The following FYN variants were observed in gnomAD, a reference collection of about 807,000 sequenced individuals.
The protein encoded by FYN is FYN proto-oncogene, Src family tyrosine kinase.
In FYN, 10 loss-of-function variants were observed where a neutral mutation model predicts 70.2. The ratio of observed to expected loss-of-function variants is 0.14; its 90% CI spans 0.09 to 0.24. The LOEUF (loss-of-function observed/expected upper bound fraction) is 0.24, where lower values mean the gene tolerates loss of function less well. Among genes scored for constraint, FYN ranks in the 10% least tolerant of loss-of-function variants. The pLI, the probability that FYN is intolerant of heterozygous loss-of-function variation, is 1.00. For missense variants in FYN, 319 were observed against 673.1 expected, an observed-to-expected ratio of 0.47 and a Z score of 5.82; for synonymous variants, 236 against 248.6, an observed-to-expected ratio of 0.95 and a Z score of 0.48.
chr6:111,805,984 CTT>C (rs1477307539), intron 2 of FYN, among the ~76,000 whole-genome samples: 1 of 152,120 alleles, frequency 6.6e-6, no homozygotes, highest in Non-Finnish European at 1.5e-5. Flanking sequence ...CACAACAGCT[CTT>C]GAGGCAGTTG....
At chr6:111,872,738 T>A (rs576951024) in intron 1 of FYN, among the ~76,000 whole-genome samples, 193 of 151,392 alleles carry the variant, frequency 1.3e-3, no homozygotes, top group African/African-American at 4.5e-3. Flanking sequence ...GGAAATGGGG[T>A]CCCCATCCCC....
At chr6:111,811,479 CT>C (rs907087270) in intron 2 of FYN, among the ~76,000 whole-genome samples, 1 of 152,184 alleles carries the variant, frequency 6.6e-6, no homozygotes, top group African/African-American at 2.4e-5. Flanking sequence ...CACAAATAGA[CT>C]TGTTTGAAGA....
intron 12 of FYN, among the ~76,000 whole-genome samples, chr6:111,693,028 C>T (rs117450640): frequency 6.6e-6 from 1 of 152,332 alleles, no homozygotes; most frequent in Non-Finnish European, 1.5e-5. Context: ...AGAACTGCCA[C>T]GTGTTGGGGA....
chr6:111,768,093 G>A (rs1009954234), intron 3 of FYN, among the ~76,000 whole-genome samples: 1 of 152,178 alleles, frequency 6.6e-6, no homozygotes, highest in Non-Finnish European at 1.5e-5. Context: ...GGGTGGAAGT[G>A]GGAATATGTG....
intron 3 of FYN, among the ~76,000 whole-genome samples, chr6:111,770,235 T>A (rs1393434657): frequency 6.6e-6 from 1 of 152,204 alleles, no homozygotes; most frequent in East Asian, 1.9e-4. Flanking sequence ...ACATACTGAC[T>A]GTATGGTAAA....
chr6:111,833,905 A>G (rs1248841621), intron 2 of FYN, among the ~76,000 whole-genome samples: 1 of 152,190 alleles, frequency 6.6e-6, no homozygotes, highest in Non-Finnish European at 1.5e-5. Flanking sequence ...GCAAAACTGG[A>G]AATGTCCCAA....
In FYN at chr6:111,661,642, G is replaced by C. The variant is rs1472461198; in HGVS notation, c.*97C>G. 6 of 1,172,128 alleles carry C rather than the reference G, an allele frequency of 5.1e-6. No individual in the cohort carries two copies. In the East Asian group the frequency reaches 1.4e-4, roughly 28 times the overall value. 72.6% of individuals were successfully genotyped at this position (1,172,128 alleles called of 1,614,324 possible). A position where few individuals can be genotyped will look rare whatever the true frequency, so the allele number is the denominator to read the frequency against. On this transcript the variant is annotated 3_prime_UTR_variant, in exon 14 of 14. Coordinates refer to ENST00000354650, the MANE Select transcript of FYN (RefSeq NM_002037.5). This position sits in a 1 kb window ranked among gnomAD's most constrained non-coding sequence, Gnocchi z 4.0. ...GTCACATGCAATCTGATCCTGGGCG[G>C]TTCCGCTGCTGGGGAGCAGCTGGCT...
chr6:111,828,169 C>T (rs1403117327), intron 2 of FYN, among the ~76,000 whole-genome samples: 1 of 152,274 alleles, frequency 6.6e-6, no homozygotes, highest in Admixed American at 6.5e-5. Flanking sequence ...ATTCCCCAGC[C>T]AGCATCCTGA....
chr6:111,822,659 CAG>C (rs1347931725), intron 2 of FYN, among the ~76,000 whole-genome samples: 1 of 150,084 alleles, frequency 6.7e-6, no homozygotes, highest in African/African-American at 2.4e-5. Flanking sequence ...AAAATAAAGA[CAG>C]AGACAATAAT....
intron 10 of FYN, among the ~76,000 whole-genome samples, 176 bp downstream of exon 10, chr6:111,696,101 A>C (rs1318052811): frequency 6.6e-6 from 1 of 152,236 alleles, no homozygotes; most frequent in Non-Finnish European, 1.5e-5. Context: ...GGTAAACGCA[A>C]GGTTAGTCTG....
chr6:111,704,678 T>C (rs1242305497), intron 6 of FYN, among the ~76,000 whole-genome samples: 1 of 151,484 alleles, frequency 6.6e-6, no homozygotes, highest in East Asian at 1.9e-4. Context: ...CACTTGAACC[T>C]GGGAGGCCCA....
intron 2 of FYN, among the ~76,000 whole-genome samples, chr6:111,805,075 C>T (rs983603815): frequency 3.3e-5 from 5 of 152,074 alleles, no homozygotes; most frequent in Non-Finnish European, 7.4e-5. Flanking sequence ...CTTTCTGCTA[C>T]CCCGAGATAA....
At chr6:111,837,800 T>C (rs571452830) in intron 2 of FYN, among the ~76,000 whole-genome samples, 1 of 151,424 alleles carries the variant, frequency 6.6e-6, no homozygotes. Flanking sequence ...TCACATACTT[T>C]CCACCACACG....
intron 3 of FYN, among the ~76,000 whole-genome samples, chr6:111,765,906 C>T (rs1326742350): frequency 6.6e-6 from 1 of 152,072 alleles, no homozygotes; most frequent in Non-Finnish European, 1.5e-5. Flanking sequence ...GGTTTTGCTA[C>T]AGGATCACAT....
chr6:111,699,397 G>T, intron 9 of FYN: 3 of 1,072,544 alleles, frequency 2.8e-6, no homozygotes, highest in Non-Finnish European at 2.7e-6. Context: ...GCCTGTGCCC[G>T]TCTAGTTATC....
intron 2 of FYN, among the ~76,000 whole-genome samples, chr6:111,822,462 A>G (rs1460635246): frequency 2.0e-5 from 3 of 151,412 alleles, no homozygotes; most frequent in Non-Finnish European, 4.4e-5. Flanking sequence ...AGGGAACATC[A>G]CACACCTGGG....
chr6:111,822,456 A>G (rs1050465523), intron 2 of FYN, among the ~76,000 whole-genome samples: 1 of 151,846 alleles, frequency 6.6e-6, no homozygotes, highest in Non-Finnish European at 1.5e-5. Flanking sequence ...CAGGGCAGGG[A>G]ACATCACACA....
chr6:111,662,785 A>G (rs1208784444), intron 13 of FYN, among the ~76,000 whole-genome samples: 1 of 152,210 alleles, frequency 6.6e-6, no homozygotes, highest in Admixed American at 6.5e-5. Flanking sequence ...GTGGCTGGGC[A>G]CTGTCTGGCC....
intron 3 of FYN, among the ~76,000 whole-genome samples, chr6:111,738,936 C>G (rs1389995077): frequency 6.6e-6 from 1 of 152,138 alleles, no homozygotes; most frequent in Non-Finnish European, 1.5e-5. Flanking sequence ...CCTCCCTCCT[C>G]CTGCTCTGTT....
Sources: allele counts gnomAD v4.1 joint callset (sites outside exome capture counted in the v4.1 genomes callset), GRCh38; gene constraint gnomAD v4.1.1; non-coding constraint Gnocchi (gnomAD v3.1); transcripts MANE v1.5; gene names NCBI Gene and HGNC (gene_info 2026-07-23, HGNC 2026-07-21).